Variants in GMDS observed in about 807,000 individuals in gnomAD.
GMDS encodes the protein GDP-mannose 4,6-dehydratase, also known as GDP-mannose 4,6 dehydratase.
Under a neutral mutation model 49.9 loss-of-function variants are expected in GMDS, and 20 were observed. The ratio of observed to expected loss-of-function variants is 0.40; its 90% CI spans 0.28 to 0.58. The LOEUF is 0.58. GMDS is among the 20% of genes least tolerant of loss of function. The pLI is 0.42. For synonymous variants in GMDS, 177 were observed against 178.6 expected (o/e 0.99, Z 0.07); for missense variants, 362 against 481.4 (o/e 0.75, Z 2.32).
intron 1 of GMDS, among the ~76,000 whole-genome samples, chr6:2,233,368 C>T (rs772223549): frequency 2.1e-4 from 32 of 152,100 alleles, no homozygotes; most frequent in Non-Finnish European, 4.4e-4. Flanking sequence ...GAAGAGAGCT[C>T]TACAGCAAAC....
chr6:1,692,444 G>A (rs759571902), intron 9 of GMDS, among the ~76,000 whole-genome samples: 4 of 152,160 alleles, frequency 2.6e-5, no homozygotes, highest in African/African-American at 9.7e-5. Flanking sequence ...TGTGTTCGTA[G>A]TTTTCATGAA....
At chr6:1,940,434 C>A (rs181483851) in intron 6 of GMDS, among the ~76,000 whole-genome samples, 50 of 152,350 alleles carry the variant, frequency 3.3e-4, no homozygotes, top group Non-Finnish European at 5.1e-4. Flanking sequence ...CATTTTTCCC[C>A]TGTGGTAATC....
In GMDS at chr6:2,135,016, A is replaced by T. The variant is rs540187916; in HGVS notation, c.103-10285T>A. Among the ~76,000 whole-genome samples, 16 of 152,296 alleles carry T rather than the reference A, an allele frequency of 1.1e-4. 1 individual carries two copies. The South Asian group carries it at 3.1e-3, about 30-fold the overall frequency. On this transcript the variant is annotated intron_variant, in intron 1 of 10. Transcript: ENST00000380815. ...CGGATCAGAAAATTGAAGAAAGCAT[A>T]AATCCCTTGTTCAAGGTCATAGAGC... is the stretch of plus-strand genomic sequence containing the variant.
intron 9 of GMDS, among the ~76,000 whole-genome samples, chr6:1,675,293 C>A (rs1375099960): frequency 1.3e-5 from 2 of 150,832 alleles, no homozygotes; most frequent in Admixed American, 6.6e-5. Flanking sequence ...TTGTATCGTG[C>A]AACCTTGCTA....
At chr6:2,200,346 G>A (rs1457335417) in intron 1 of GMDS, among the ~76,000 whole-genome samples, 1 of 151,960 alleles carries the variant, frequency 6.6e-6, no homozygotes, top group Non-Finnish European at 1.5e-5. Flanking sequence ...CATCCGAGAT[G>A]AAACAATCTA....
chr6:2,075,736 T>C (rs1772299449), intron 4 of GMDS, among the ~76,000 whole-genome samples: 1 of 152,216 alleles, frequency 6.6e-6, no homozygotes, highest in Non-Finnish European at 1.5e-5. Context: ...TGTGTCTTTA[T>C]AGCAGCATGA....
At chr6:1,691,376 G>A (rs1015785513) in intron 9 of GMDS, among the ~76,000 whole-genome samples, 1 of 152,114 alleles carries the variant, frequency 6.6e-6, no homozygotes, top group African/African-American at 2.4e-5. Context: ...GGGGGAGGGA[G>A]AGCATCAGGA....
At chr6:2,041,929 G>A (rs1212226790) in intron 4 of GMDS, among the ~76,000 whole-genome samples, 1 of 152,128 alleles carries the variant, frequency 6.6e-6, no homozygotes, top group Admixed American at 6.6e-5. Context: ...ACCCACAAAT[G>A]TGACCATTTC....
chr6:1,972,420 G>A (rs902235471), intron 4 of GMDS, among the ~76,000 whole-genome samples: 1 of 151,904 alleles, frequency 6.6e-6, no homozygotes, highest in African/African-American at 2.4e-5. Context: ...TAAGAAAATG[G>A]CACCAGAAGT....
intron 1 of GMDS, among the ~76,000 whole-genome samples, chr6:2,134,233 G>T (rs1432768678): frequency 6.6e-6 from 1 of 152,190 alleles, no homozygotes; most frequent in Non-Finnish European, 1.5e-5. Context: ...ACTGCAGTTT[G>T]AACCTCTATA....
intron 7 of GMDS, among the ~76,000 whole-genome samples, chr6:1,927,924 A>G (rs1277199175): frequency 6.6e-6 from 1 of 152,250 alleles, no homozygotes; most frequent in African/African-American, 2.4e-5. Context: ...ACCTGTAAAA[A>G]GCACTATCAA....
intron 9 of GMDS, among the ~76,000 whole-genome samples, chr6:1,657,515 C>A (rs1581420458): frequency 6.6e-6 from 1 of 152,188 alleles, no homozygotes; most frequent in Non-Finnish European, 1.5e-5. Context: ...TATTATTTTA[C>A]AGCATTGACT....
intron 9 of GMDS, among the ~76,000 whole-genome samples, chr6:1,721,306 CT>C (rs1185254810): frequency 6.6e-6 from 1 of 152,104 alleles, no homozygotes; most frequent in African/African-American, 2.4e-5. Flanking sequence ...GAAGTTATTG[CT>C]TTCTTAGTTC....
At chr6:1,655,521 A>AT (rs70989196) in intron 9 of GMDS, among the ~76,000 whole-genome samples, 28 of 144,526 alleles carry the variant, frequency 1.9e-4, no homozygotes, top group Admixed American at 8.9e-4. Context: ...ACACACACAT[A>AT]TTTTTTTTTT....
At chr6:2,244,237 G>T (rs530318798) in intron 1 of GMDS, among the ~76,000 whole-genome samples, 1 of 151,790 alleles carries the variant, frequency 6.6e-6, no homozygotes, top group Non-Finnish European at 1.5e-5. Flanking sequence ...ACTTCCCAGC[G>T]GTTTAACCTC....
chr6:1,708,985 C>G (rs780009032), intron 9 of GMDS, among the ~76,000 whole-genome samples: 34 of 152,204 alleles, frequency 2.2e-4, no homozygotes, highest in Non-Finnish European at 3.8e-4. Flanking sequence ...ATACCTGGTG[C>G]CTGTGTCACT....
Position 2,165,427 on chromosome 6 carries a change from A to G in GMDS, c.103-40696T>C, listed in dbSNP as rs558580284. 2.4e-3 allele frequency among the ~76,000 whole-genome samples: 370 copies of G among 152,362 alleles called. 2 individuals carry two copies. Among genetic ancestry groups the G allele is most frequent in the African/African-American group, 8.5e-3 (355 of 41,586 alleles). On this transcript the variant is annotated intron_variant, in intron 1 of 10. Coordinates refer to ENST00000380815, the MANE Select transcript of GMDS (RefSeq NM_001500.4). ...ATGTCCCAGCTCATGGATATCAGGC[A>G]GGAGAAATTCCCTCTTACTCATGGG...
intron 9 of GMDS, among the ~76,000 whole-genome samples, chr6:1,691,588 T>A (rs1163296921): frequency 2.6e-5 from 4 of 152,220 alleles, no homozygotes; most frequent in Non-Finnish European, 5.9e-5. Context: ...AAATACGTCT[T>A]AAGTGTCCCT....
chr6:2,147,425 T>C (rs1400208857), intron 1 of GMDS, among the ~76,000 whole-genome samples: 1 of 152,180 alleles, frequency 6.6e-6, no homozygotes, highest in Non-Finnish European at 1.5e-5. Context: ...CCAGAAGAGA[T>C]GCATAAGACT....
Sources: gnomAD v4.1 joint callset for allele counts (sites outside exome capture counted in the v4.1 genomes callset) on GRCh38, gnomAD v4.1.1 for gene constraint, MANE v1.5 for transcripts, NCBI Gene and HGNC (gene_info 2026-07-23, HGNC 2026-07-21) for gene names.